ARL6IP5: variants seen among roughly 807,000 people sequenced by gnomAD.
ARL6IP5 encodes ARF like GTPase 6 interacting protein 5, also known as PRA1 family protein 3.
ARL6IP5 carries 6 observed loss-of-function variants against 13.0 expected under a neutral mutation model. That is an observed-to-expected ratio of 0.46 (90% CI 0.25 to 0.91). The LOEUF (loss-of-function observed/expected upper bound fraction) is 0.91, where lower values mean the gene tolerates loss of function less well. Ranked by LOEUF, ARL6IP5 falls within the 40% of genes least tolerant of loss-of-function variation. The pLI, the probability that ARL6IP5 is intolerant of heterozygous loss-of-function variation, is 0.17. For missense variants in ARL6IP5, 208 were observed against 248.8 expected, an observed-to-expected ratio of 0.84 and a Z score of 1.10; for synonymous variants, 91 against 91.9, an observed-to-expected ratio of 0.99 and a Z score of 0.06.
chr3:69,085,379 G>T (rs1318596208), intron 1 of ARL6IP5, among the ~76,000 whole-genome samples, 156 bp downstream of exon 1: 2 of 152,226 alleles, frequency 1.3e-5, no homozygotes, highest in Non-Finnish European at 2.9e-5. Context: ...CTTGTTTGCA[G>T]GGCGAGGCCG....
intron 2 of ARL6IP5, among the ~76,000 whole-genome samples, chr3:69,103,850 A>G (rs1690381601): frequency 6.6e-6 from 1 of 152,162 alleles, no homozygotes; most frequent in South Asian, 2.1e-4. Flanking sequence ...CTGTCTCTTT[A>G]AGGCTCAGGT....
chr3:69,090,963 G>C (rs750775511), intron 1 of ARL6IP5, among the ~76,000 whole-genome samples: 1 of 152,164 alleles, frequency 6.6e-6, no homozygotes, highest in African/African-American at 2.4e-5. Flanking sequence ...TTGGGAGGCC[G>C]AGGCGGGTAG....
At chr3:69,094,635 C>T (rs1348881496) in intron 1 of ARL6IP5, among the ~76,000 whole-genome samples, 1 of 152,094 alleles carries the variant, frequency 6.6e-6, no homozygotes, top group East Asian at 1.9e-4. Context: ...GAACTCAGTG[C>T]AAAGCTGCCT....
intron 1 of ARL6IP5, among the ~76,000 whole-genome samples, chr3:69,085,619 G>A (rs1010646211): frequency 6.6e-6 from 1 of 152,222 alleles, no homozygotes; most frequent in East Asian, 1.9e-4. Flanking sequence ...CTACCCTGGA[G>A]CTGGCTGGGG....
chr3:69,089,853 T>G lies in ARL6IP5; in HGVS notation c.176+4630T>G, dbSNP rs759325369. ...GCTGAAGGAATGAGCCCATGATTTC[T>G]CAGCTGAAGTAACTCCTCACCATGT... On this transcript the variant is annotated intron_variant, in intron 1 of 2. Transcript: ENST00000273258. The G allele has an allele frequency of 3.1e-5, 14 of 456,560 alleles. 1 individual carries two copies. In the Middle Eastern group the frequency reaches 9.7e-4, roughly 32 times the overall value. 28.3% of individuals were successfully genotyped at this position (456,560 alleles called of 1,614,324 possible). A position where few individuals can be genotyped will look rare whatever the true frequency, so the allele number is the denominator to read the frequency against.
At chr3:69,104,347 G>C in intron 2 of ARL6IP5, 117 bp from the exon 3 acceptor site, 1 of 1,032,096 alleles carries the variant, frequency 9.7e-7, no homozygotes, top group Non-Finnish European at 1.4e-6. Flanking sequence ...TCGAGAAGCA[G>C]ACTGGACTGT....
intron 1 of ARL6IP5, chr3:69,089,774 G>A (rs2092259280): frequency 2.2e-6 from 1 of 456,228 alleles, no homozygotes; most frequent in Non-Finnish European, 4.4e-6. Flanking sequence ...AGAGCTGCAT[G>A]TATTCTTATG....
intron 1 of ARL6IP5, among the ~76,000 whole-genome samples, chr3:69,097,575 T>C (rs1342038045): frequency 6.6e-6 from 1 of 152,140 alleles, no homozygotes; most frequent in Non-Finnish European, 1.5e-5. Context: ...CTGAAGGGGA[T>C]TGTGGTTTTG....
At chr3:69,097,507 A>C (rs2092290923) in intron 1 of ARL6IP5, among the ~76,000 whole-genome samples, 1 of 151,960 alleles carries the variant, frequency 6.6e-6, no homozygotes, top group South Asian at 2.1e-4. Flanking sequence ...GAATTAGATA[A>C]TATTAATCTA....
chr3:69,089,423 C>G (rs1456746609), intron 1 of ARL6IP5, among the ~76,000 whole-genome samples: 1 of 151,596 alleles, frequency 6.6e-6, no homozygotes, highest in Non-Finnish European at 1.5e-5. Context: ...AGCCATATTG[C>G]AAATTTTCTA....
rs145563091 is a variant in ARL6IP5 at position 69,102,115 on chromosome 3, C to T, written c.394+59C>T. On this transcript the variant is annotated intron_variant, in intron 2 of 2. Transcript: ENST00000273258. ...AAAAAATGTAGAAGCAATTATCCAA[C>T]GGGAATTCCATAACCCATTTCTTAT... is the stretch of plus-strand genomic sequence containing the variant. The T allele has an allele frequency of 4.4e-3, 6,816 of 1,551,068 alleles. 12 individuals are homozygous for T. Among genetic ancestry groups the T allele is most frequent in the Non-Finnish European group, 5.1e-3 (5,773 of 1,125,114 alleles).
intron 1 of ARL6IP5, among the ~76,000 whole-genome samples, chr3:69,094,459 T>A (rs988404592): frequency 2.0e-5 from 3 of 152,168 alleles, no homozygotes; most frequent in African/African-American, 7.2e-5. Flanking sequence ...AGAAAATGGT[T>A]GGGTGGGTTC....
intron 1 of ARL6IP5, among the ~76,000 whole-genome samples, chr3:69,094,179 G>A (rs1433471205): frequency 6.6e-6 from 1 of 152,184 alleles, no homozygotes; most frequent in Admixed American, 6.5e-5. Flanking sequence ...GACAAACCTG[G>A]CAGGTAGGCC....
chr3:69,085,112 C>G lies in ARL6IP5; in HGVS notation c.65C>G (p.Ala22Gly). ...TTCTTCCCGGGTTCCGATCGCTTTGCCCGGCCGGACTTCAGGGACATTTCC... is the reference window on the plus strand; with the variant it reads ...TTCTTCCCGGGTTCCGATCGCTTTGGCCGGCCGGACTTCAGGGACATTTCC... The part of the protein sequence containing the change: ...DDFFPGSDRF[A>G]RPDFRDISKW... Residue 22 changes from alanine to glycine, a missense_variant, in exon 1 of 3, where the codon GCC (alanine) becomes GGC (glycine). Coordinates refer to ENST00000273258, the MANE Select transcript of ARL6IP5 (RefSeq NM_006407.4). 1 of 1,614,186 alleles carries G rather than the reference C, an allele frequency of 6.2e-7. No individual in the cohort carries two copies.
intron 1 of ARL6IP5, among the ~76,000 whole-genome samples, chr3:69,100,794 A>G (rs1163160218): frequency 1.3e-5 from 2 of 151,954 alleles, no homozygotes; most frequent in Admixed American, 6.5e-5. Context: ...TAAAAAAAAA[A>G]AAAAAAGAAA....
Position 69,085,151 on chromosome 3 carries a change from G to A in ARL6IP5, c.104G>A (p.Arg35His), listed in dbSNP as rs751545675. 7 of 1,614,176 alleles carry A rather than the reference G, an allele frequency of 4.3e-6. No individual in the cohort carries two copies. The highest frequency in any genetic ancestry group is 5.9e-6 in the Non-Finnish European group (7 of 1,180,032). The change falls in exon 1 of 3, where the codon CGC becomes CAC. Residue 35 changes from arginine to histidine, a missense_variant. Arg to His is a conservative substitution (Grantham distance 29). Coordinates refer to ENST00000273258, the MANE Select transcript of ARL6IP5 (RefSeq NM_006407.4). The stretch of plus-strand genomic sequence containing the variant: ...AGGGACATTTCCAAATGGAACAACC[G>A]CGTAGTGAGCAACCTGCTCTATTAC... ...DFRDISKWNNRVVSNLLYYQT... is the reference protein window; with the variant it reads ...DFRDISKWNNHVVSNLLYYQT...
At chr3:69,088,981 C>T (rs1289998936) in intron 1 of ARL6IP5, among the ~76,000 whole-genome samples, 1 of 152,202 alleles carries the variant, frequency 6.6e-6, no homozygotes, top group Non-Finnish European at 1.5e-5. Context: ...AGCTGGAGAA[C>T]TCTGTTCAGT....
At chr3:69,095,476 C>T (rs1008658813) in intron 1 of ARL6IP5, among the ~76,000 whole-genome samples, 4 of 151,052 alleles carry the variant, frequency 2.6e-5, no homozygotes, top group Non-Finnish European at 5.9e-5. Context: ...CCTGCTGTTT[C>T]TCCCTTCTTT....
chr3:69,092,809 T>A (rs920622115), intron 1 of ARL6IP5, among the ~76,000 whole-genome samples: 4 of 149,990 alleles, frequency 2.7e-5, no homozygotes, highest in Non-Finnish European at 5.9e-5. Context: ...TGTGAGCCAC[T>A]GTACCCAGCC....
Sources: allele counts gnomAD v4.1 joint callset (sites outside exome capture counted in the v4.1 genomes callset), GRCh38; gene constraint gnomAD v4.1.1; transcripts MANE v1.5; gene names NCBI Gene and HGNC (gene_info 2026-07-23, HGNC 2026-07-21).